The following DCC variants were observed in gnomAD, a reference collection of about 807,000 sequenced individuals.
The protein encoded by DCC is DCC netrin 1 receptor.
In DCC, 58 loss-of-function variants were observed where a neutral mutation model predicts 172.5. The observed-to-expected ratio is 0.34, with a 90% confidence interval of 0.27 to 0.42. DCC has a LOEUF of 0.42. DCC is among the 10% of genes least tolerant of loss of function. The pLI is 1.00. For synonymous variants in DCC, 709 were observed against 644.5 expected (o/e 1.10, Z -1.52); for missense variants, 1,740 against 1,791.0 (o/e 0.97, Z 0.51).
intron 5 of DCC, among the ~76,000 whole-genome samples, chr18:53,046,054 C>A (rs2042233531): frequency 6.6e-6 from 1 of 151,758 alleles, no homozygotes; most frequent in South Asian, 2.1e-4. Context: ...ACTATGAACT[C>A]TCGTGTTATC....
intron 1 of DCC, among the ~76,000 whole-genome samples, chr18:52,483,028 A>G (rs1054206388): frequency 1.3e-5 from 2 of 152,106 alleles, no homozygotes; most frequent in African/African-American, 4.8e-5. Flanking sequence ...CTCCTGGGAT[A>G]ATCCTCCTTT....
At chr18:52,520,957 T>C (rs1340400411) in intron 1 of DCC, among the ~76,000 whole-genome samples, 1 of 152,148 alleles carries the variant, frequency 6.6e-6, no homozygotes, top group Admixed American at 6.5e-5. Context: ...TGACAAGTAA[T>C]TTTACTTTCT....
chr18:52,548,690 C>A (rs62083378), intron 1 of DCC, among the ~76,000 whole-genome samples: 8,523 of 152,104 alleles, frequency 0.056, 308 homozygotes, highest in Non-Finnish European at 0.08. Context: ...CTCCCAGAAC[C>A]CCAGCCTGGA....
intron 2 of DCC, among the ~76,000 whole-genome samples, chr18:52,822,167 T>G (rs1400094383): frequency 2.0e-5 from 3 of 152,156 alleles, no homozygotes; most frequent in Non-Finnish European, 2.9e-5. Context: ...TGGATCCGTA[T>G]CCCATGAAAA....
Position 52,801,850 on chromosome 18 carries a change from A to C in DCC, c.412+49476A>C, listed in dbSNP as rs142385147. 3.3e-5 allele frequency among the ~76,000 whole-genome samples: 5 copies of C among 152,316 alleles called. No homozygotes were observed. The East Asian group carries it at 9.7e-4, about 29-fold the overall frequency. On this transcript the variant is annotated intron_variant, in intron 2 of 28. Transcript: ENST00000442544. ...ATCTCTGTCACTGAGACTATAAAGA[A>C]TATAAAACATGCAATATGCCTGCTT...
chr18:53,087,170 T>G (rs1238214632), intron 7 of DCC, among the ~76,000 whole-genome samples: 1 of 152,158 alleles, frequency 6.6e-6, no homozygotes, highest in Non-Finnish European at 1.5e-5. Context: ...CCATGAAGAA[T>G]CGCCACACTG....
intron 2 of DCC, among the ~76,000 whole-genome samples, chr18:52,794,535 T>C (rs1017595480): frequency 3.3e-5 from 5 of 152,048 alleles, no homozygotes; most frequent in African/African-American, 1.2e-4. Context: ...CTGAGTTTTT[T>C]GGTGGAGTCT....
At chr18:53,244,487 C>G (rs1321174505) in intron 12 of DCC, among the ~76,000 whole-genome samples, 2 of 152,106 alleles carry the variant, frequency 1.3e-5, no homozygotes, top group Admixed American at 6.6e-5. Flanking sequence ...TGTGTGTTGA[C>G]TGGGTTCAGC....
At chr18:53,313,772 A>G (rs907632848) in intron 13 of DCC, among the ~76,000 whole-genome samples, 2 of 152,196 alleles carry the variant, frequency 1.3e-5, no homozygotes, top group Non-Finnish European at 1.5e-5. Context: ...AGCATAGGGC[A>G]TGTGGGCCTT....
chr18:53,265,433 G>A (rs187395323), intron 12 of DCC, among the ~76,000 whole-genome samples: 338 of 152,302 alleles, frequency 2.2e-3, no homozygotes, highest in African/African-American at 7.5e-3. Context: ...CCTACAAAAT[G>A]TGGACTGATC....
chr18:53,103,418 C>A (rs2043201076), intron 7 of DCC, among the ~76,000 whole-genome samples: 1 of 151,968 alleles, frequency 6.6e-6, no homozygotes, highest in East Asian at 1.9e-4. Context: ...GAAGCCTATG[C>A]TGGAGTTCAG....
intron 1 of DCC, among the ~76,000 whole-genome samples, chr18:52,391,656 G>T (rs1986035387): frequency 6.6e-6 from 1 of 152,100 alleles, no homozygotes; most frequent in African/African-American, 2.4e-5. Flanking sequence ...AGTTCAAGGG[G>T]ACTGGGGGAA....
chr18:52,995,196 T>G (rs9304437), intron 5 of DCC, among the ~76,000 whole-genome samples: 110,234 of 151,930 alleles, frequency 0.73, 40,131 homozygotes, highest in East Asian at 0.75. Context: ...TTTATTGCTT[T>G]GTCAACATCT....
chr18:53,058,437 A>G (rs1004738276), intron 5 of DCC, among the ~76,000 whole-genome samples: 14 of 152,236 alleles, frequency 9.2e-5, no homozygotes, highest in South Asian at 8.3e-4. Flanking sequence ...ATTTTTTAAA[A>G]TGGTACTTCC....
At chr18:53,498,662 C>T (rs1193786052) in intron 26 of DCC, among the ~76,000 whole-genome samples, 1 of 151,980 alleles carries the variant, frequency 6.6e-6, no homozygotes, top group Non-Finnish European at 1.5e-5. Context: ...CGTAATCTGC[C>T]TGAAAATTAC....
At chr18:52,409,712 G>T (rs1986779653) in intron 1 of DCC, among the ~76,000 whole-genome samples, 1 of 152,064 alleles carries the variant, frequency 6.6e-6, no homozygotes, top group Non-Finnish European at 1.5e-5. Flanking sequence ...TCTTCACAGG[G>T]GTGATATGAA....
intron 5 of DCC, among the ~76,000 whole-genome samples, chr18:52,995,657 G>T (rs896914614): frequency 2.6e-5 from 4 of 151,932 alleles, no homozygotes; most frequent in African/African-American, 9.7e-5. Flanking sequence ...CTAGAATGGT[G>T]TCTCCAGCCT....
At chr18:53,491,206 G>A (rs1380117962) in intron 26 of DCC, among the ~76,000 whole-genome samples, 1 of 152,160 alleles carries the variant, frequency 6.6e-6, no homozygotes, top group Non-Finnish European at 1.5e-5. Flanking sequence ...AGATGCTGAT[G>A]AGGAGCAATG....
intron 1 of DCC, among the ~76,000 whole-genome samples, chr18:52,387,456 CCTT>C (rs1198301472): frequency 3.3e-5 from 5 of 152,114 alleles, no homozygotes; most frequent in African/African-American, 9.7e-5. Flanking sequence ...GCAGCAATCT[CCTT>C]CTGCAAGCCC....
Sources: allele counts gnomAD v4.1 joint callset (sites outside exome capture counted in the v4.1 genomes callset), GRCh38; gene constraint gnomAD v4.1.1; transcripts MANE v1.5; gene names NCBI Gene and HGNC (gene_info 2026-07-23, HGNC 2026-07-21).